PDE7B: variants seen among roughly 807,000 people sequenced by gnomAD.
PDE7B encodes the protein 3',5'-cyclic-AMP phosphodiesterase 7B.
In PDE7B, 29 loss-of-function variants were observed where a neutral mutation model predicts 56.2. That is an observed-to-expected ratio of 0.52 (90% CI 0.38 to 0.70). The LOEUF is 0.70. PDE7B is among the 30% of genes least tolerant of loss of function. The probability of loss-of-function intolerance (pLI) is 0.00; values close to 1 mark genes in which losing one functional copy is unlikely to be tolerated. For missense variants in PDE7B, 490 were observed against 565.0 expected (o/e 0.87, Z 1.35); for synonymous variants, 197 against 196.9 (o/e 1.00, Z 0.00).
intron 1 of PDE7B, among the ~76,000 whole-genome samples, chr6:135,865,421 C>A (rs1320614739): frequency 6.6e-6 from 1 of 152,068 alleles, no homozygotes; most frequent in Non-Finnish European, 1.5e-5. Flanking sequence ...GATTTTTGGT[C>A]ATTTCTAGCT....
chr6:135,947,275 A>G (rs1456093609), intron 1 of PDE7B, among the ~76,000 whole-genome samples, 189 bp from the exon 2 acceptor site: 3 of 152,106 alleles, frequency 2.0e-5, no homozygotes, highest in Admixed American at 1.3e-4. Flanking sequence ...GAAACAATCT[A>G]TTCCAACTTA....
intron 2 of PDE7B, among the ~76,000 whole-genome samples, chr6:135,958,409 C>A (rs1774838647): frequency 6.6e-6 from 1 of 151,730 alleles, no homozygotes; most frequent in African/African-American, 2.4e-5. Flanking sequence ...TAATTTTGAC[C>A]CCAAAACAAT....
chr6:136,186,629 C>T (rs1468073515), intron 11 of PDE7B, among the ~76,000 whole-genome samples: 1 of 152,142 alleles, frequency 6.6e-6, no homozygotes, highest in Non-Finnish European at 1.5e-5. Context: ...TCAGGTGAAA[C>T]AAGACTAGGG....
intron 2 of PDE7B, among the ~76,000 whole-genome samples, chr6:136,079,521 A>G: frequency 6.6e-6 from 1 of 152,170 alleles, no homozygotes; most frequent in East Asian, 1.9e-4. Context: ...TGGTTTCATC[A>G]TCACAGAAAG....
chr6:135,904,570 G>C lies in PDE7B; in HGVS notation c.22-42894G>C, dbSNP rs142334435. On this transcript the variant is annotated intron_variant, in intron 1 of 12. Coordinates refer to ENST00000308191, the MANE Select transcript of PDE7B (RefSeq NM_018945.4). ...TTCTAACCAACTGTCAATCAAGGGG[G>C]TCTCAATAAATTCTCTTTCCAACCA... is the stretch of plus-strand genomic sequence containing the variant. 4.4e-3 allele frequency among the ~76,000 whole-genome samples: 670 copies of C among 152,218 alleles called. 4 individuals are homozygous for C. The highest frequency in any genetic ancestry group is 0.014 in the African/African-American group (572 of 41,534).
At chr6:135,899,216 A>G (rs1159881546) in intron 1 of PDE7B, among the ~76,000 whole-genome samples, 1 of 152,138 alleles carries the variant, frequency 6.6e-6, no homozygotes, top group Non-Finnish European at 1.5e-5. Context: ...ACCCAGTCTC[A>G]GGTAAGTCTT....
At chr6:135,960,111 G>T (rs913401515) in intron 2 of PDE7B, among the ~76,000 whole-genome samples, 3 of 152,138 alleles carry the variant, frequency 2.0e-5, no homozygotes, top group Non-Finnish European at 1.5e-5. Context: ...GGACTTTAAG[G>T]TTGCAGTTCA....
intron 1 of PDE7B, among the ~76,000 whole-genome samples, chr6:135,885,311 G>A (rs1477653293): frequency 7.1e-6 from 1 of 139,906 alleles, no homozygotes; most frequent in Non-Finnish European, 1.5e-5. Context: ...TTTGTTTTTT[G>A]TTGTTGCTTG....
intron 2 of PDE7B, among the ~76,000 whole-genome samples, chr6:135,990,725 A>C (rs4254999): frequency 0.29 from 43,644 of 152,202 alleles, 7,631 homozygotes; most frequent in East Asian, 0.44. Flanking sequence ...AATAAGTGAT[A>C]AGTATGTGAG....
At chr6:136,142,252 T>C (rs1778339204) in intron 3 of PDE7B, among the ~76,000 whole-genome samples, 1 of 152,214 alleles carries the variant, frequency 6.6e-6, no homozygotes, top group Non-Finnish European at 1.5e-5. Flanking sequence ...AGTTTCCATG[T>C]AGTTGAGCAG....
At chr6:136,024,786 A>C (rs986178448) in intron 2 of PDE7B, among the ~76,000 whole-genome samples, 4 of 152,244 alleles carry the variant, frequency 2.6e-5, no homozygotes, top group Non-Finnish European at 5.9e-5. Flanking sequence ...TTTGTTTCTG[A>C]AAAACTCTGC....
At chr6:136,075,741 G>T (rs1777117877) in intron 2 of PDE7B, among the ~76,000 whole-genome samples, 1 of 152,056 alleles carries the variant, frequency 6.6e-6, no homozygotes, top group Non-Finnish European at 1.5e-5. Context: ...CCTGAAAAGG[G>T]TACTCACTGC....
At chr6:135,992,306 A>C (rs1483938951) in intron 2 of PDE7B, among the ~76,000 whole-genome samples, 1 of 152,160 alleles carries the variant, frequency 6.6e-6, no homozygotes, top group East Asian at 1.9e-4. Context: ...GGCTGCATGC[A>C]GCCCTTGGGC....
At chr6:135,889,469 G>T (rs1229388444) in intron 1 of PDE7B, among the ~76,000 whole-genome samples, 1 of 131,940 alleles carries the variant, frequency 7.6e-6, no homozygotes, top group Non-Finnish European at 1.6e-5. Context: ...TTTTGAGATG[G>T]AGTCTCACTC....
chr6:136,014,915 T>C lies in PDE7B; in HGVS notation c.82+67391T>C, dbSNP rs544660017. On this transcript the variant is annotated intron_variant, in intron 2 of 12. Coordinates refer to ENST00000308191, the MANE Select transcript of PDE7B (RefSeq NM_018945.4). The stretch of plus-strand genomic sequence containing the variant: ...GTCTGGCCGATTGCATGTGAGGAGC[T>C]GCTGCCAGAACTTTGCCTGAAAGCT... Among the ~76,000 whole-genome samples, 29 of 152,360 alleles carry C rather than the reference T, an allele frequency of 1.9e-4. No homozygotes were observed. In the South Asian group the frequency reaches 6.0e-3, roughly 32 times the overall value.
intron 2 of PDE7B, among the ~76,000 whole-genome samples, chr6:135,961,255 ATGTGTGTGTG>A (rs961322926): frequency 6.8e-6 from 1 of 146,090 alleles, no homozygotes; most frequent in South Asian, 2.2e-4. Flanking sequence ...TAGAGTGTAT[ATGTGTGTGTG>A]TGTGTGTGTG....
intron 2 of PDE7B, among the ~76,000 whole-genome samples, chr6:136,074,487 G>A (rs1227740271): frequency 1.3e-5 from 2 of 151,510 alleles, no homozygotes; most frequent in Non-Finnish European, 2.9e-5. Flanking sequence ...AAATTTTGTT[G>A]ACTGAAGTCA....
intron 2 of PDE7B, among the ~76,000 whole-genome samples, chr6:136,060,098 A>C (rs1177527518): frequency 6.6e-6 from 1 of 152,254 alleles, no homozygotes; most frequent in Non-Finnish European, 1.5e-5. Flanking sequence ...TATCAGAATG[A>C]AAATGGATAA....
At position 135,995,817 on chromosome 6, in the gene PDE7B, T is replaced by C. The variant is rs1057131270; in HGVS notation, c.82+48293T>C. On this transcript the variant is annotated intron_variant, in intron 2 of 12. Coordinates refer to ENST00000308191, the MANE Select transcript of PDE7B (RefSeq NM_018945.4). ...CTAAACTTATTTGTAAATGGAATAA[T>C]TGGAACTACATTAAAATAAAAATTA... 2.0e-5 allele frequency among the ~76,000 whole-genome samples: 3 copies of C among 152,168 alleles called. No homozygotes were observed. In the East Asian group the frequency reaches 5.8e-4, roughly 29 times the overall value.
Sources: gnomAD v4.1 joint callset for allele counts (sites outside exome capture counted in the v4.1 genomes callset) on GRCh38, gnomAD v4.1.1 for gene constraint, MANE v1.5 for transcripts, NCBI Gene and HGNC (gene_info 2026-07-23, HGNC 2026-07-21) for gene names.